The following NFASC variants were observed in gnomAD, a reference collection of about 807,000 sequenced individuals.
NFASC encodes the protein neurofascin.
A neutral mutation model predicts 147.5 loss-of-function variants in NFASC; 43 were observed. The ratio of observed to expected loss-of-function variants is 0.29; its 90% CI spans 0.23 to 0.38. The LOEUF is 0.38. Ranked by LOEUF, NFASC falls within the 10% of genes least tolerant of loss-of-function variation. The pLI is 1.00. For missense variants in NFASC, 1,320 were observed against 1,689.0 expected (o/e 0.78, Z 3.83); for synonymous variants, 622 against 665.5 (o/e 0.93, Z 1.01).
chr1:204,925,577 A>G (rs1461481686), intron 2 of NFASC, among the ~76,000 whole-genome samples: 6 of 152,214 alleles, frequency 3.9e-5, no homozygotes, highest in African/African-American at 1.4e-4. Context: ...AAAAAGTAAA[A>G]GGCTCTTCCT....
chr1:204,974,850 G>T lies in NFASC; in HGVS notation c.1558+27G>T. 3.1e-6 allele frequency: 5 copies of T among 1,610,162 alleles called. No homozygotes were observed. The South Asian group carries it at 5.5e-5, about 18-fold the overall frequency. On this transcript the variant is annotated intron_variant, in intron 14 of 29. Coordinates refer to ENST00000339876, the MANE Select transcript of NFASC (RefSeq NM_001005388.3). ...TAAAGGAGAGGGTTCGCCAGTGGGA[G>T]TTTGGAGAGGGACAAGGAGGCCATG...
intron 1 of NFASC, among the ~76,000 whole-genome samples, chr1:204,843,546 G>GGTCT (rs1215286465): frequency 6.7e-6 from 1 of 149,136 alleles, no homozygotes; most frequent in Non-Finnish European, 1.5e-5. Context: ...TCCCTCTCCA[G>GGTCT]GTCTGTCTCT....
In NFASC at chr1:205,010,350, G is replaced by A. The variant is rs567400127; in HGVS notation, c.3421+662G>A. ...CTCACACCTGTAATCCCAGCACTTCGGGAGGCCAAGGTGAGCAGGTCACTT... is the reference window on the plus strand; with the variant it reads ...CTCACACCTGTAATCCCAGCACTTCAGGAGGCCAAGGTGAGCAGGTCACTT... On this transcript the variant is annotated intron_variant, in intron 28 of 29. Coordinates refer to ENST00000339876, the MANE Select transcript of NFASC (RefSeq NM_001005388.3). The surrounding 1 kb of genome is among the most constrained non-coding windows in gnomAD (Gnocchi z 4.1). 4 of 152,460 alleles carry A rather than the reference G, an allele frequency of 2.6e-5. No homozygotes were observed. The East Asian group carries it at 7.7e-4, about 29-fold the overall frequency. 9.4% of individuals were successfully genotyped at this position (152,460 alleles called of 1,614,324 possible).
At chr1:204,997,694 C>T in intron 25 of NFASC, 1 of 523,588 alleles carries the variant, frequency 1.9e-6, no homozygotes, top group Non-Finnish European at 3.5e-6. Context: ...TAACAGACGG[C>T]CAAGCTCCTT....
chr1:204,933,331 A>G (rs1346194014), intron 2 of NFASC, among the ~76,000 whole-genome samples: 1 of 152,200 alleles, frequency 6.6e-6, no homozygotes, highest in African/African-American at 2.4e-5. Flanking sequence ...ACTGGGAAGT[A>G]GACAGTCTGA....
chr1:204,858,978 CT>C (rs56763796), intron 1 of NFASC, among the ~76,000 whole-genome samples: 3,140 of 139,472 alleles, frequency 0.023, 131 homozygotes, highest in East Asian at 0.19. Context: ...AATGCACTGA[CT>C]TTTTTTTTTT....
intron 1 of NFASC, among the ~76,000 whole-genome samples, chr1:204,911,358 G>T (rs1161063741): frequency 6.6e-6 from 1 of 152,100 alleles, no homozygotes; most frequent in African/African-American, 2.4e-5. Context: ...TTTTGTTAAG[G>T]ACTTTTTTTA....
intron 1 of NFASC, among the ~76,000 whole-genome samples, chr1:204,866,978 A>G (rs2077159285): frequency 1.3e-5 from 2 of 152,106 alleles, no homozygotes; most frequent in African/African-American, 4.8e-5. Context: ...GATGAATAGG[A>G]TTTGTTGGGC....
intron 3 of NFASC, chr1:204,946,852 C>A: frequency 4.1e-6 from 2 of 482,464 alleles, no homozygotes; most frequent in East Asian, 6.1e-5. Context: ...CAAGACCAAG[C>A]GAGGCCAGCC....
chr1:204,939,449 A>C (rs927657988), intron 2 of NFASC, among the ~76,000 whole-genome samples: 1 of 152,194 alleles, frequency 6.6e-6, no homozygotes, highest in Admixed American at 6.5e-5. Flanking sequence ...CTGTGGAACT[A>C]AACAGAAAAA....
intron 1 of NFASC, among the ~76,000 whole-genome samples, chr1:204,904,585 A>G (rs2085375595): frequency 6.6e-6 from 1 of 152,232 alleles, no homozygotes; most frequent in African/African-American, 2.4e-5. Context: ...GTGACCTTAA[A>G]GAGATCATTC....
At chr1:204,872,594 T>C (rs1038461308) in intron 1 of NFASC, among the ~76,000 whole-genome samples, 9 of 152,142 alleles carry the variant, frequency 5.9e-5, no homozygotes, top group East Asian at 1.9e-4. Context: ...ACCAAGCTTT[T>C]TGGGGGCTCC....
chr1:204,856,397 G>A (rs1054317463), intron 1 of NFASC, among the ~76,000 whole-genome samples: 5 of 150,896 alleles, frequency 3.3e-5, no homozygotes, highest in African/African-American at 1.2e-4. Flanking sequence ...GTGTGTGTGT[G>A]TGTGTGTGTG....
rs1473525497 is a variant in NFASC, at chr1:204,986,340, G to A, written c.2471-1078G>A. On this transcript the variant is annotated intron_variant, in intron 21 of 29. Coordinates refer to ENST00000339876, the MANE Select transcript of NFASC (RefSeq NM_001005388.3). This position sits in a 1 kb window ranked among gnomAD's most constrained non-coding sequence, Gnocchi z 4.2. ...TTGTATCTCAAGAGAAGACCTGTGAGGTCTGCTGACATAATTCCAGACGGG... is the reference window on the plus strand; with the variant it reads ...TTGTATCTCAAGAGAAGACCTGTGAAGTCTGCTGACATAATTCCAGACGGG... Among the ~76,000 whole-genome samples the A allele has an allele frequency of 6.6e-6, 1 of 152,216 alleles. No homozygotes were observed. Among genetic ancestry groups the A allele is most frequent in the East Asian group, 1.9e-4 (1 of 5,190 alleles).
At chr1:204,853,690 A>G (rs1281797734) in intron 1 of NFASC, among the ~76,000 whole-genome samples, 7 of 152,278 alleles carry the variant, frequency 4.6e-5, no homozygotes, top group Middle Eastern at 3.4e-3. Flanking sequence ...CCAGCCCCCT[A>G]TATTGCACTG....
chr1:204,874,570 T>C (rs1375920949), intron 1 of NFASC, among the ~76,000 whole-genome samples: 1 of 152,288 alleles, frequency 6.6e-6, no homozygotes, highest in Non-Finnish European at 1.5e-5. Flanking sequence ...CCCACCATCC[T>C]GAATCTACTT....
rs1218332291 is a variant in NFASC at position 205,016,473 on chromosome 1, G to A, written c.3657G>A (p.Glu1219=). 6.8e-6 allele frequency: 11 copies of A among 1,614,036 alleles called. No homozygotes were observed. The Admixed American group carries it at 1.8e-4, about 27-fold the overall frequency. The change falls in exon 30 of 30, where the codon GAG becomes GAA. Residue 1219 remains glutamate (E), a synonymous_variant. Coordinates refer to ENST00000339876, the MANE Select transcript of NFASC (RefSeq NM_001005388.3). This position sits in a 1 kb window ranked among gnomAD's most constrained non-coding sequence, Gnocchi z 5.1. ...AGTACACGGTCAAAAAGGACAAGGA[G>A]GAAACAGAGGGCAACGAAAGCTCAG... ...IGQYTVKKDK[E]ETEGNESSEA...
chr1:204,912,620 T>C (rs2149343833), intron 1 of NFASC, among the ~76,000 whole-genome samples: 1 of 152,284 alleles, frequency 6.6e-6, no homozygotes, highest in East Asian at 1.9e-4. Flanking sequence ...GGAGGATTTT[T>C]TGAGCCCTGG....
In NFASC at chr1:204,988,815, A is replaced by C. The variant is rs768095321; in HGVS notation, c.2767+9A>C. On this transcript the variant is annotated intron_variant, in intron 23 of 29. Transcript: ENST00000339876. ...AGCACCCCCGAATGAAGGTAGGTGC[A>C]TGGCAGCAGCCCCTGGGGTAAAAGG... is the stretch of plus-strand genomic sequence containing the variant. 3.7e-6 allele frequency: 6 copies of C among 1,613,490 alleles called. No individual in the cohort carries two copies. In the South Asian group the frequency reaches 6.6e-5, roughly 18 times the overall value.
Sources: allele counts gnomAD v4.1 joint callset (sites outside exome capture counted in the v4.1 genomes callset), GRCh38; gene constraint gnomAD v4.1.1; non-coding constraint Gnocchi (gnomAD v3.1); transcripts MANE v1.5; gene names NCBI Gene and HGNC (gene_info 2026-07-23, HGNC 2026-07-21).